LSAMP: variants seen among roughly 807,000 people sequenced by gnomAD.
The protein encoded by LSAMP is limbic system-associated membrane protein.
A neutral mutation model predicts 38.6 loss-of-function variants in LSAMP; 7 were observed. The observed-to-expected ratio is 0.18, with a 90% CI of 0.10 to 0.34. LSAMP has a LOEUF of 0.34. Among genes scored for constraint, LSAMP ranks in the 10% least tolerant of loss-of-function variants. LSAMP has a pLI of 1.00. For synonymous variants in LSAMP, 154 were observed against 166.8 expected (o/e 0.92, Z 0.59); for missense variants, 313 against 420.0 (o/e 0.75, Z 2.23).
chr3:116,366,831 A>T (rs988803), intron 1 of LSAMP, among the ~76,000 whole-genome samples: 127,942 of 152,002 alleles, frequency 0.84, 54,140 homozygotes, highest in East Asian at 0.94. Context: ...TTGGACATTT[A>T]ATAATATTTT....
At chr3:116,066,865 G>C (rs1185974986) in intron 2 of LSAMP, among the ~76,000 whole-genome samples, 1 of 151,890 alleles carries the variant, frequency 6.6e-6, no homozygotes, top group African/African-American at 2.4e-5. Flanking sequence ...TTTCCTTTAA[G>C]CTACATTCTT....
chr3:116,178,316 G>A (rs761071295), intron 1 of LSAMP, among the ~76,000 whole-genome samples: 7 of 152,132 alleles, frequency 4.6e-5, no homozygotes, highest in South Asian at 4.2e-4. Flanking sequence ...ACAGGCACAC[G>A]CCACCATGCT....
intron 1 of LSAMP, among the ~76,000 whole-genome samples, chr3:116,216,930 GGAA>G (rs1257123804): frequency 1.3e-5 from 2 of 152,140 alleles, no homozygotes; most frequent in African/African-American, 4.8e-5. Context: ...GAACCATGAT[GGAA>G]GAAGAACAGA....
rs149847495 is a variant in LSAMP at position 115,818,348 on chromosome 3, G to A, written c.920-7934C>T. 2.0e-4 allele frequency among the ~76,000 whole-genome samples: 30 copies of A among 152,188 alleles called. No individual in the cohort carries two copies. The East Asian group carries it at 4.3e-3, about 22-fold the overall frequency. ...TTTCCTAAAAGAGGCCTCAATCCTC[G>A]ATGAGGCCATCTTCAGTTAAAAAAC... On this transcript the variant is annotated intron_variant, in intron 6 of 6. Coordinates refer to ENST00000490035, the MANE Select transcript of LSAMP (RefSeq NM_002338.5).
intron 1 of LSAMP, among the ~76,000 whole-genome samples, chr3:116,145,823 T>G (rs1709478264): frequency 6.6e-6 from 1 of 151,978 alleles, no homozygotes; most frequent in South Asian, 2.1e-4. Flanking sequence ...TTTATTAATT[T>G]TACTTTCAGC....
intron 2 of LSAMP, among the ~76,000 whole-genome samples, chr3:116,053,447 AAAG>A (rs1941433229): frequency 6.6e-6 from 1 of 152,202 alleles, no homozygotes; most frequent in Non-Finnish European, 1.5e-5. Context: ...CAACAAGCTA[AAAG>A]AGTTTTGAGG....
intron 5 of LSAMP, among the ~76,000 whole-genome samples, 165 bp from the exon 6 acceptor site, chr3:115,842,158 G>C (rs757249961): frequency 6.6e-6 from 1 of 152,180 alleles, no homozygotes; most frequent in South Asian, 2.1e-4. Flanking sequence ...CATATTATCA[G>C]AATCAATGTC....
At chr3:115,904,025 T>C (rs1936947271) in intron 3 of LSAMP, among the ~76,000 whole-genome samples, 1 of 152,154 alleles carries the variant, frequency 6.6e-6, no homozygotes, top group Admixed American at 6.6e-5. Flanking sequence ...AATTTCACTA[T>C]CTGAAACATA....
At chr3:115,901,784 A>C (rs539267613) in intron 3 of LSAMP, among the ~76,000 whole-genome samples, 7 of 152,314 alleles carry the variant, frequency 4.6e-5, no homozygotes, top group African/African-American at 1.7e-4. Context: ...GATAAAATTT[A>C]ATTCCTGGGC....
intron 1 of LSAMP, among the ~76,000 whole-genome samples, chr3:116,327,174 C>T (rs937010888): frequency 3.9e-5 from 6 of 152,144 alleles, no homozygotes; most frequent in Non-Finnish European, 7.3e-5. Context: ...CCAATAAACT[C>T]AAGCAGTGGC....
intron 1 of LSAMP, among the ~76,000 whole-genome samples, chr3:116,182,437 C>T (rs1045424965): frequency 6.6e-6 from 1 of 151,346 alleles, no homozygotes; most frequent in Non-Finnish European, 1.5e-5. Flanking sequence ...GTCTAGCACT[C>T]ATGAAACTTA....
intron 3 of LSAMP, among the ~76,000 whole-genome samples, chr3:115,914,746 C>A (rs1937210415): frequency 6.6e-6 from 1 of 152,138 alleles, no homozygotes; most frequent in African/African-American, 2.4e-5. Flanking sequence ...CCCCATAGAT[C>A]TTTCCTTTTA....
chr3:116,271,390 C>T (rs1220518064), intron 1 of LSAMP, among the ~76,000 whole-genome samples: 1 of 151,894 alleles, frequency 6.6e-6, no homozygotes, highest in African/African-American at 2.4e-5. Flanking sequence ...GCTTTGTCCA[C>T]AAAGTAGATT....
chr3:115,834,580 T>C (rs779441054), intron 6 of LSAMP: 25 of 1,274,850 alleles, frequency 2.0e-5, no homozygotes, highest in Middle Eastern at 2.2e-4. Context: ...GGGTGGGGGA[T>C]TGTGGGTAAA....
At chr3:115,926,764 A>G (rs1435566400) in intron 3 of LSAMP, among the ~76,000 whole-genome samples, 1 of 152,166 alleles carries the variant, frequency 6.6e-6, no homozygotes, top group Non-Finnish European at 1.5e-5. Flanking sequence ...TCTCTCTGTC[A>G]AGAACATTAT....
chr3:116,263,598 G>A (rs948942484), intron 1 of LSAMP, among the ~76,000 whole-genome samples: 6 of 151,320 alleles, frequency 4.0e-5, no homozygotes, highest in African/African-American at 1.5e-4. Context: ...TGTATATTGA[G>A]TGATATGGTT....
chr3:116,344,691 G>C (rs945103163), intron 1 of LSAMP, among the ~76,000 whole-genome samples: 1 of 152,070 alleles, frequency 6.6e-6, no homozygotes, highest in Admixed American at 6.6e-5. Flanking sequence ...AAATGTGTTA[G>C]GAGCTTTCTA....
At chr3:116,175,467 A>G (rs1278312018) in intron 1 of LSAMP, among the ~76,000 whole-genome samples, 5 of 152,192 alleles carry the variant, frequency 3.3e-5, no homozygotes, top group African/African-American at 9.6e-5. Context: ...AATGGTATAG[A>G]ACACTATAAC....
At chr3:115,852,404 C>T in intron 4 of LSAMP, 79 bp downstream of exon 4, 1 of 1,462,674 alleles carries the variant, frequency 6.8e-7, no homozygotes, top group Non-Finnish European at 9.1e-7. Context: ...TGTTCTTTTG[C>T]TAATGGAATC....
Sources: gnomAD v4.1 joint callset for allele counts (sites outside exome capture counted in the v4.1 genomes callset) on GRCh38, gnomAD v4.1.1 for gene constraint, MANE v1.5 for transcripts, NCBI Gene and HGNC (gene_info 2026-07-23, HGNC 2026-07-21) for gene names.